NTRK2: variants seen among roughly 807,000 people sequenced by gnomAD.
NTRK2 encodes the protein neurotrophic receptor tyrosine kinase 2.
Under a neutral mutation model 94.5 loss-of-function variants are expected in NTRK2, and 13 were observed. The observed-to-expected ratio is 0.14, with a 90% CI of 0.09 to 0.22. The LOEUF is 0.22. Among genes scored for constraint, NTRK2 ranks in the 10% least tolerant of loss-of-function variants. The pLI, the probability that NTRK2 is intolerant of heterozygous loss-of-function variation, is 1.00. For synonymous variants in NTRK2, 372 were observed against 407.4 expected (o/e 0.91, Z 1.05); for missense variants, 639 against 1,071.2 (o/e 0.60, Z 5.63).
At chr9:84,836,701 T>C in intron 12 of NTRK2, among the ~76,000 whole-genome samples, 1 of 148,548 alleles carries the variant, frequency 6.7e-6, no homozygotes, top group East Asian at 2.0e-4. Flanking sequence ...CTCACTATGG[T>C]TCATACAGTG....
At chr9:84,990,261 G>A (rs1828891449) in intron 17 of NTRK2, among the ~76,000 whole-genome samples, 1 of 152,182 alleles carries the variant, frequency 6.6e-6, no homozygotes, top group Non-Finnish European at 1.5e-5. Context: ...TTTGTCAAAT[G>A]TCATGTTGAG....
intron 12 of NTRK2, among the ~76,000 whole-genome samples, chr9:84,823,852 G>A (rs765767966): frequency 1.3e-5 from 2 of 152,148 alleles, no homozygotes; most frequent in Non-Finnish European, 2.9e-5. Flanking sequence ...CATTCTGCTC[G>A]TGGCTTTCAG....
intron 12 of NTRK2, among the ~76,000 whole-genome samples, chr9:84,849,475 A>G (rs557188360): frequency 9.8e-5 from 15 of 152,328 alleles, no homozygotes; most frequent in African/African-American, 3.6e-4. Context: ...GATCCGTGCT[A>G]TACCAAATTT....
chr9:84,851,195 G>A (rs528285510), intron 12 of NTRK2, among the ~76,000 whole-genome samples: 4 of 151,986 alleles, frequency 2.6e-5, no homozygotes, highest in Admixed American at 6.5e-5. Context: ...GGCAAAAATC[G>A]CCCCCGTTTG....
chr9:85,024,993 C>A lies in NTRK2; in HGVS notation c.*3556C>A, dbSNP rs1184181662. ...GTGTTTATGTATAAATTTATAGGCACACAATAATAGAGGTAATTATAAGTA... is the reference window on the plus strand; with the variant it reads ...GTGTTTATGTATAAATTTATAGGCAAACAATAATAGAGGTAATTATAAGTA... On this transcript the variant is annotated 3_prime_UTR_variant, in exon 19 of 19. Coordinates refer to ENST00000277120, the MANE Select transcript of NTRK2 (RefSeq NM_006180.6). The A allele has an allele frequency of 4.3e-6, 1 of 232,918 alleles. No homozygotes were observed. Among genetic ancestry groups the A allele is most frequent in the Non-Finnish European group, 8.5e-6 (1 of 117,972 alleles). The allele number at this position is 232,918 out of a possible 1,614,324, so 14.4% of individuals were successfully genotyped here.
chr9:84,931,877 A>G (rs1421412941), intron 14 of NTRK2, among the ~76,000 whole-genome samples: 1 of 152,156 alleles, frequency 6.6e-6, no homozygotes. Flanking sequence ...CAAGAATTAC[A>G]TTTGTGTCTT....
intron 14 of NTRK2, among the ~76,000 whole-genome samples, chr9:84,894,135 G>A (rs944133923): frequency 1.8e-5 from 1 of 55,336 alleles, no homozygotes; most frequent in African/African-American, 6.5e-5. Flanking sequence ...ACCCACACTT[G>A]GGGGTGTTTG....
chr9:84,693,090 C>A (rs1411789252), intron 2 of NTRK2, among the ~76,000 whole-genome samples: 1 of 152,126 alleles, frequency 6.6e-6, no homozygotes, highest in Non-Finnish European at 1.5e-5. Flanking sequence ...CATGGAAATT[C>A]AAAACTTTTT....
At chr9:84,923,659 G>C (rs1456281828) in intron 14 of NTRK2, among the ~76,000 whole-genome samples, 1 of 152,194 alleles carries the variant, frequency 6.6e-6, no homozygotes, top group African/African-American at 2.4e-5. Context: ...GCTCATGCCT[G>C]TAATTCCAGC....
At chr9:84,751,566 G>C (rs2064613736) in intron 11 of NTRK2, among the ~76,000 whole-genome samples, 1 of 151,880 alleles carries the variant, frequency 6.6e-6, no homozygotes, top group Non-Finnish European at 1.5e-5. Flanking sequence ...GAGCAACAAA[G>C]TGAGACTCCG....
intron 2 of NTRK2, among the ~76,000 whole-genome samples, chr9:84,693,222 G>T (rs2060162192): frequency 6.6e-6 from 1 of 152,210 alleles, no homozygotes; most frequent in Non-Finnish European, 1.5e-5. Flanking sequence ...CTGATCATCA[G>T]TTGCTAAGAT....
At chr9:84,711,694 C>T (rs779755130) in intron 6 of NTRK2, among the ~76,000 whole-genome samples, 6 of 152,140 alleles carry the variant, frequency 3.9e-5, no homozygotes, top group East Asian at 1.9e-4. Context: ...TCTTTGTTTT[C>T]GGAAGACGCT....
chr9:84,823,851 C>A (rs2073012948), intron 12 of NTRK2, among the ~76,000 whole-genome samples: 1 of 152,174 alleles, frequency 6.6e-6, no homozygotes. Flanking sequence ...ACATTCTGCT[C>A]GTGGCTTTCA....
At chr9:84,759,297 G>A (rs2065343946) in intron 12 of NTRK2, among the ~76,000 whole-genome samples, 1 of 152,208 alleles carries the variant, frequency 6.6e-6, no homozygotes, top group Admixed American at 6.5e-5. Context: ...GTCTATCTGA[G>A]AGCAGAAGAT....
At chr9:84,923,342 T>A (rs1419668748) in intron 14 of NTRK2, among the ~76,000 whole-genome samples, 1 of 152,212 alleles carries the variant, frequency 6.6e-6, no homozygotes, top group African/African-American at 2.4e-5. Context: ...GTCACTGTTA[T>A]CGCTGTTTAC....
intron 12 of NTRK2, among the ~76,000 whole-genome samples, chr9:84,820,505 C>T (rs757711147): frequency 6.6e-6 from 1 of 152,246 alleles, no homozygotes; most frequent in Non-Finnish European, 1.5e-5. Context: ...TTACTAATTC[C>T]GTGAACAGTT....
chr9:84,686,299 G>A (rs1274474528), intron 2 of NTRK2, among the ~76,000 whole-genome samples: 1 of 152,238 alleles, frequency 6.6e-6, no homozygotes, highest in Non-Finnish European at 1.5e-5. Flanking sequence ...GGACAGCAAA[G>A]AGAGGGGAGG....
intron 2 of NTRK2, among the ~76,000 whole-genome samples, chr9:84,688,081 A>C (rs1057134370): frequency 5.9e-5 from 9 of 152,138 alleles, no homozygotes; most frequent in African/African-American, 2.2e-4. Flanking sequence ...TCCAAGGAAA[A>C]GGCCTGCTCA....
chr9:85,017,917 T>C (rs141249600), intron 17 of NTRK2, among the ~76,000 whole-genome samples: 1 of 152,324 alleles, frequency 6.6e-6, no homozygotes, highest in African/African-American at 2.4e-5. Flanking sequence ...AAATGAGCTC[T>C]TCTTTATAGG....
Sources: gnomAD v4.1 joint callset for allele counts (sites outside exome capture counted in the v4.1 genomes callset) on GRCh38, gnomAD v4.1.1 for gene constraint, MANE v1.5 for transcripts, NCBI Gene and HGNC (gene_info 2026-07-23, HGNC 2026-07-21) for gene names.